The following ALDH7A1 variants were observed in gnomAD, a reference collection of about 807,000 sequenced individuals.
ALDH7A1 encodes the protein alpha-aminoadipic semialdehyde dehydrogenase.
In ALDH7A1, 63 loss-of-function variants were observed where a neutral mutation model predicts 79.9. The ratio of observed to expected loss-of-function variants is 0.79; its 90% CI spans 0.64 to 0.97. The LOEUF (loss-of-function observed/expected upper bound fraction) is 0.97. Ranked by LOEUF, ALDH7A1 falls within the 50% of genes least tolerant of loss-of-function variation. The pLI is 0.00. For synonymous variants in ALDH7A1, 240 were observed against 231.2 expected, an observed-to-expected ratio of 1.04 and a Z score of -0.34; for missense variants, 627 against 665.2, an observed-to-expected ratio of 0.94 and a Z score of 0.63.
At chr5:126,550,730 C>A (rs1034220470) in intron 14 of ALDH7A1, among the ~76,000 whole-genome samples, 2 of 152,156 alleles carry the variant, frequency 1.3e-5, no homozygotes, top group Non-Finnish European at 2.9e-5. Context: ...ATAATGTACA[C>A]AAACACATTA....
At chr5:126,554,779 A>G in intron 12 of ALDH7A1, 2 of 331,598 alleles carry the variant, frequency 6.0e-6, no homozygotes, top group Admixed American at 8.3e-5. Flanking sequence ...TTTACTCATT[A>G]CAGTGTGACC....
At chr5:126,571,496 GAGA>G (rs1750775486) in intron 7 of ALDH7A1, among the ~76,000 whole-genome samples, 3 of 150,924 alleles carry the variant, frequency 2.0e-5, no homozygotes, top group African/African-American at 7.3e-5. Flanking sequence ...AAAGAATCTT[GAGA>G]AGAAGAAAAA....
At chr5:126,568,105 CTAA>C (rs1750652255) in intron 9 of ALDH7A1, 151 bp downstream of exon 9, 1 of 724,058 alleles carries the variant, frequency 1.4e-6, no homozygotes, top group South Asian at 1.5e-5. Context: ...TATTCTACTG[CTAA>C]TAACTGTACC....
chr5:126,568,178 G>A (rs773634299), intron 9 of ALDH7A1, 81 bp downstream of exon 9: 1 of 1,373,988 alleles, frequency 7.3e-7, no homozygotes, highest in Non-Finnish European at 1.0e-6. Flanking sequence ...AAAAGGTTGA[G>A]GGGAAAACAA....
chr5:126,550,133 T>G, intron 15 of ALDH7A1, 63 bp downstream of exon 15: 1 of 1,562,098 alleles, frequency 6.4e-7, no homozygotes. Context: ...ACAGCAGTTT[T>G]TTTAAGTCCA....
At chr5:126,581,971 C>T (rs1406315105) in intron 5 of ALDH7A1, 2 of 375,878 alleles carry the variant, frequency 5.3e-6, no homozygotes, top group South Asian at 2.9e-4. Context: ...GAGCGAGACT[C>T]CATCTCAAAA....
intron 3 of ALDH7A1, among the ~76,000 whole-genome samples, chr5:126,585,566 T>C (rs1002516449): frequency 6.6e-6 from 1 of 152,116 alleles, no homozygotes; most frequent in Non-Finnish European, 1.5e-5. Context: ...TTGTTTTATC[T>C]ATTTATTTTT....
chr5:126,559,589 C>T (rs190161097), intron 10 of ALDH7A1, among the ~76,000 whole-genome samples: 8 of 152,078 alleles, frequency 5.3e-5, no homozygotes, highest in Non-Finnish European at 7.4e-5. Context: ...TGTGCCACCA[C>T]GCTTGGCTAA....
At chr5:126,553,675 C>T (rs1383503356) in intron 13 of ALDH7A1, among the ~76,000 whole-genome samples, 1 of 151,852 alleles carries the variant, frequency 6.6e-6, no homozygotes, top group African/African-American at 2.4e-5. Context: ...CACGCCACTG[C>T]ACTCCAGCCT....
At chr5:126,581,089 G>A (rs1370718687) in intron 5 of ALDH7A1, 1 of 151,662 alleles carries the variant, frequency 6.6e-6, no homozygotes, top group Non-Finnish European at 1.5e-5. Flanking sequence ...CTCCTGAAGT[G>A]CTGGGATTAC....
At position 126,555,932 on chromosome 5, in the gene ALDH7A1, G is replaced by C; in HGVS notation, c.1092C>G (p.Asp364Glu). Residue 364 changes from aspartate to glutamate, a missense_variant and splice_region_variant, in exon 12 of 18, where the codon GAC becomes GAG. Transcript: ENST00000409134. Reference sequence around the variant, plus strand: ...TTGAAAGCAGAAGGAGATACTCACGGTCCCATGGGTTCCCAACTCGGATCT... The same window carrying C: ...TTGAAAGCAGAAGGAGATACTCACGCTCCCATGGGTTCCCAACTCGGATCT... ...YAQIRVGNPW[D>E]PNVLYGPLHT... 1.2e-6 allele frequency: 2 copies of C among 1,611,350 alleles called. No individual in the cohort carries two copies. Among genetic ancestry groups the C allele is most frequent in the Non-Finnish European group, 1.7e-6 (2 of 1,177,660 alleles).
At chr5:126,578,595 C>T (rs1440091434) in intron 5 of ALDH7A1, among the ~76,000 whole-genome samples, 3 of 140,562 alleles carry the variant, frequency 2.1e-5, no homozygotes, top group African/African-American at 8.3e-5. Context: ...CCTGGGATTG[C>T]ACCACTGCAC....
chr5:126,545,471 C>T (rs1179484243), intron 17 of ALDH7A1, among the ~76,000 whole-genome samples: 1 of 146,934 alleles, frequency 6.8e-6, no homozygotes, highest in Non-Finnish European at 1.5e-5. Flanking sequence ...CCATGTTGGC[C>T]AGGCTGGTCT....
chr5:126,564,728 C>T (rs1023225825), intron 9 of ALDH7A1: 10 of 438,738 alleles, frequency 2.3e-5, no homozygotes, highest in Non-Finnish European at 3.1e-5. Context: ...TATAGCATAG[C>T]GCTATGCTAG....
At chr5:126,564,271 T>C in intron 9 of ALDH7A1, 1 of 226,066 alleles carries the variant, frequency 4.4e-6, no homozygotes, top group African/African-American at 2.2e-5. Flanking sequence ...TTCTCTTGCC[T>C]CAGCCTCCCA....
At chr5:126,563,346 C>T (rs1191316439) in intron 9 of ALDH7A1, among the ~76,000 whole-genome samples, 2 of 152,172 alleles carry the variant, frequency 1.3e-5, no homozygotes, top group Non-Finnish European at 2.9e-5. Context: ...AAAACCACTC[C>T]ATAGCATTCC....
intron 11 of ALDH7A1, 56 bp from the exon 12 acceptor site, chr5:126,556,071 CAAT>C: frequency 8.3e-7 from 1 of 1,209,384 alleles, no homozygotes; most frequent in Non-Finnish European, 1.2e-6. Context: ...CATTTTTAAA[CAAT>C]GAATAATTTC....
chr5:126,556,557 TTCA>T (rs1435044536), intron 11 of ALDH7A1, among the ~76,000 whole-genome samples: 5 of 152,094 alleles, frequency 3.3e-5, no homozygotes, highest in Non-Finnish European at 7.4e-5. Context: ...AAGCCACATC[TTCA>T]TCAAGTTTCC....
At chr5:126,568,180 G>T in intron 9 of ALDH7A1, 79 bp downstream of exon 9, 1 of 1,400,110 alleles carries the variant, frequency 7.1e-7, no homozygotes, top group Non-Finnish European at 1.0e-6. Context: ...AAGGTTGAGG[G>T]GAAAACAAAA....
Sources: gnomAD v4.1 joint callset for allele counts (sites outside exome capture counted in the v4.1 genomes callset) on GRCh38, gnomAD v4.1.1 for gene constraint, MANE v1.5 for transcripts, NCBI Gene and HGNC (gene_info 2026-07-23, HGNC 2026-07-21) for gene names.